Variants in ADGRB3 observed in about 807,000 individuals in gnomAD.
ADGRB3 encodes the protein adhesion G protein-coupled receptor B3, also known as brain-specific angiogenesis inhibitor 3.
Under a neutral mutation model 193.4 loss-of-function variants are expected in ADGRB3, and 37 were observed. The observed-to-expected ratio is 0.19, with a 90% CI of 0.15 to 0.25. The LOEUF (loss-of-function observed/expected upper bound fraction) is 0.25, where lower values mean the gene tolerates loss of function less well. Among genes scored for constraint, ADGRB3 ranks in the 10% least tolerant of loss-of-function variants. The pLI, the probability that ADGRB3 is intolerant of heterozygous loss-of-function variation, is 1.00. For missense variants in ADGRB3, 1,637 were observed against 1,852.9 expected, an observed-to-expected ratio of 0.88 and a Z score of 2.14; for synonymous variants, 690 against 644.2, an observed-to-expected ratio of 1.07 and a Z score of -1.08.
At chr6:68,860,228 T>C (rs374373725) in intron 3 of ADGRB3, among the ~76,000 whole-genome samples, 2 of 152,176 alleles carry the variant, frequency 1.3e-5, no homozygotes, top group Non-Finnish European at 2.9e-5. Flanking sequence ...GAAGAATCTT[T>C]ATTTTATTTT....
intron 3 of ADGRB3, among the ~76,000 whole-genome samples, chr6:68,848,063 T>C (rs1315906051): frequency 2.0e-5 from 3 of 151,418 alleles, no homozygotes; most frequent in East Asian, 3.9e-4. Context: ...GTAGAATTAA[T>C]ATTTGTTAAT....
At chr6:68,873,468 T>C (rs1391193399) in intron 3 of ADGRB3, among the ~76,000 whole-genome samples, 1 of 152,144 alleles carries the variant, frequency 6.6e-6, no homozygotes, top group Non-Finnish European at 1.5e-5. Context: ...CAAAATTTAA[T>C]ATAACAGATG....
At chr6:68,874,216 C>T (rs1379089566) in intron 3 of ADGRB3, among the ~76,000 whole-genome samples, 1 of 152,102 alleles carries the variant, frequency 6.6e-6, no homozygotes, top group Non-Finnish European at 1.5e-5. Context: ...TTTCGGTATG[C>T]ATGAAATGCA....
intron 11 of ADGRB3, among the ~76,000 whole-genome samples, chr6:69,011,057 T>G (rs1368616569): frequency 6.6e-6 from 1 of 151,918 alleles, no homozygotes; most frequent in Non-Finnish European, 1.5e-5. Flanking sequence ...TTGGTTCTAT[T>G]TATCAGTCTG....
chr6:69,007,693 TCACACACACACACACA>T (rs764934080), intron 11 of ADGRB3, among the ~76,000 whole-genome samples: 2 of 90,080 alleles, frequency 2.2e-5, no homozygotes, highest in Non-Finnish European at 5.0e-5. Context: ...TCTCTCTCTC[TCACACACACACACACA>T]CACACACACA....
chr6:69,331,167 G>A lies in ADGRB3; in HGVS notation c.3102+595G>A, dbSNP rs543113689. 2.6e-5 allele frequency among the ~76,000 whole-genome samples: 4 copies of A among 151,886 alleles called. No homozygotes were observed. The East Asian group carries it at 7.7e-4, about 29-fold the overall frequency. ...CAGACATTTTCCAATGGTCCCGGGGGGTCAAAATCATCTCTGTTTAAGAAT... is the reference window on the plus strand; with the variant it reads ...CAGACATTTTCCAATGGTCCCGGGGAGTCAAAATCATCTCTGTTTAAGAAT... On this transcript the variant is annotated intron_variant, in intron 23 of 31. Transcript: ENST00000370598.
intron 17 of ADGRB3, among the ~76,000 whole-genome samples, chr6:69,090,902 T>C (rs1772686547): frequency 6.6e-6 from 1 of 152,216 alleles, no homozygotes; most frequent in South Asian, 2.1e-4. Flanking sequence ...TTCTCACTAT[T>C]AGAAAGAAGA....
At chr6:69,061,214 T>C (rs1234026408) in intron 15 of ADGRB3, among the ~76,000 whole-genome samples, 3 of 152,102 alleles carry the variant, frequency 2.0e-5, no homozygotes, top group Non-Finnish European at 4.4e-5. Context: ...AAAGTGTCAT[T>C]TGACATTACT....
chr6:69,205,060 A>C (rs926509374), intron 17 of ADGRB3, among the ~76,000 whole-genome samples: 1 of 152,340 alleles, frequency 6.6e-6, no homozygotes, highest in Admixed American at 6.5e-5. Context: ...AGTAAATGCT[A>C]AATAATTTGT....
chr6:69,143,197 A>G (rs963443611), intron 17 of ADGRB3, among the ~76,000 whole-genome samples: 4 of 152,004 alleles, frequency 2.6e-5, no homozygotes, highest in African/African-American at 7.3e-5. Flanking sequence ...AGAAATATCT[A>G]TTTAGGTGTT....
intron 17 of ADGRB3, among the ~76,000 whole-genome samples, chr6:69,206,704 G>A (rs1582544605): frequency 6.6e-6 from 1 of 151,966 alleles, no homozygotes. Context: ...AAATGAAGAA[G>A]GAAACAAAAG....
chr6:68,825,283 T>C (rs185514595), intron 3 of ADGRB3, among the ~76,000 whole-genome samples: 32 of 152,324 alleles, frequency 2.1e-4, no homozygotes, highest in Admixed American at 1.8e-3. Context: ...CATTTTCATC[T>C]GTGACAATTC....
In ADGRB3 at chr6:69,361,518, C is replaced by A. The variant is rs1159615606; in HGVS notation, c.4239+6C>A. ...TATCAATGAGTTCTTTAGAGGTGAG[C>A]CACAGAAGATTAAATTTTTCCTTGA... is the stretch of plus-strand genomic sequence containing the variant. On this transcript the variant is annotated splice_donor_region_variant and intron_variant, in intron 29 of 31. Coordinates refer to ENST00000370598, the MANE Select transcript of ADGRB3 (RefSeq NM_001704.3). The A allele has an allele frequency of 6.2e-7, 1 of 1,600,840 alleles. No homozygotes were observed. Among genetic ancestry groups the A allele is most frequent in the Non-Finnish European group, 8.5e-7 (1 of 1,172,798 alleles).
At chr6:68,822,091 C>T (rs1231427405) in intron 3 of ADGRB3, among the ~76,000 whole-genome samples, 2 of 151,878 alleles carry the variant, frequency 1.3e-5, no homozygotes, top group East Asian at 1.9e-4. Context: ...AATTCAGTGC[C>T]CTCAAGACTG....
chr6:69,077,824 G>GAT (rs1772276523), intron 17 of ADGRB3, among the ~76,000 whole-genome samples: 1 of 151,982 alleles, frequency 6.6e-6, no homozygotes, highest in African/African-American at 2.4e-5. Context: ...AATCTCAAGG[G>GAT]ATTGGTGTAG....
chr6:69,333,112 T>C, intron 24 of ADGRB3, 104 bp downstream of exon 24: 6 of 837,654 alleles, frequency 7.2e-6, no homozygotes, highest in African/African-American at 9.4e-5. Context: ...AATTTTGTTA[T>C]TGATGTACTA....
chr6:68,973,920 C>T (rs947028580), intron 8 of ADGRB3, among the ~76,000 whole-genome samples: 1 of 152,112 alleles, frequency 6.6e-6, no homozygotes, highest in African/African-American at 2.4e-5. Context: ...TACAGTTAAA[C>T]ATCTGTTATT....
chr6:69,113,176 A>G (rs1438821714), intron 17 of ADGRB3, among the ~76,000 whole-genome samples: 2 of 152,148 alleles, frequency 1.3e-5, no homozygotes, highest in African/African-American at 2.4e-5. Flanking sequence ...ACTGGAACCA[A>G]TCCCCTACAG....
chr6:68,971,313 A>C (rs1195872838), intron 8 of ADGRB3, among the ~76,000 whole-genome samples: 1 of 152,230 alleles, frequency 6.6e-6, no homozygotes, highest in Non-Finnish European at 1.5e-5. Flanking sequence ...ATGATGTCTT[A>C]TGGTACAGTC....
Sources: allele counts gnomAD v4.1 joint callset (sites outside exome capture counted in the v4.1 genomes callset), GRCh38; gene constraint gnomAD v4.1.1; transcripts MANE v1.5; gene names NCBI Gene and HGNC (gene_info 2026-07-23, HGNC 2026-07-21).